The following GPHN variants were observed in gnomAD, a reference collection of about 807,000 sequenced individuals.
GPHN encodes gephyrin.
In GPHN, 17 loss-of-function variants were observed where a neutral mutation model predicts 95.5. The observed-to-expected ratio is 0.18, with a 90% CI of 0.12 to 0.27. The LOEUF is 0.27. Ranked by LOEUF, GPHN falls within the 10% of genes least tolerant of loss-of-function variation. The pLI is 1.00. For missense variants in GPHN, 660 were observed against 978.1 expected, an observed-to-expected ratio of 0.67 and a Z score of 4.34; for synonymous variants, 320 against 322.5, an observed-to-expected ratio of 0.99 and a Z score of 0.08.
chr14:67,157,081 G>C (rs1409282980), intron 18 of GPHN, among the ~76,000 whole-genome samples: 1 of 151,512 alleles, frequency 6.6e-6, no homozygotes, highest in Admixed American at 6.6e-5. Context: ...CTGCTTATAA[G>C]AGACACATCT....
chr14:66,703,045 G>GA (rs2068710756), intron 2 of GPHN, among the ~76,000 whole-genome samples: 2 of 152,002 alleles, frequency 1.3e-5, no homozygotes, highest in Non-Finnish European at 2.9e-5. Flanking sequence ...AGGGATATCA[G>GA]TTTGAAGACC....
At chr14:67,132,306 T>C (rs1185475078) in intron 17 of GPHN, among the ~76,000 whole-genome samples, 27 of 152,200 alleles carry the variant, frequency 1.8e-4, no homozygotes. Flanking sequence ...CCCAATGTTC[T>C]TAAAGTAGGA....
Position 67,143,366 on chromosome 14 carries a change from G to C in GPHN, c.1753G>C (p.Asp585His), listed in dbSNP as rs1018860844. 2.5e-6 allele frequency: 4 copies of C among 1,602,512 alleles called. No homozygotes were observed. The highest frequency in any genetic ancestry group is 3.4e-6 in the Non-Finnish European group (4 of 1,169,672). The change falls in exon 18 of 23, where the codon GAT becomes CAT. Residue 585 changes from aspartate (D) to histidine (H), a missense_variant. Physicochemically the swap from Asp to His is moderately conservative, Grantham distance 81. Around this residue, in one of 6 missense-constraint regions of GPHN, gnomAD observed 257 missense variants for 376.2 expected, o/e 0.68. Coordinates refer to ENST00000478722, the MANE Select transcript of GPHN (RefSeq NM_020806.5). ...INLGIVGDNP[D>H]DLLNALNEGI... is the part of the protein sequence containing the mutation. ...TTTGTCTTTATTTTTTTCCAGCCCA[G>C]ATGACTTACTCAATGCCTTGAATGA...
chr14:66,873,553 C>T (rs545308014), intron 4 of GPHN, among the ~76,000 whole-genome samples: 1 of 152,304 alleles, frequency 6.6e-6, no homozygotes, highest in South Asian at 2.1e-4. Context: ...TGAAGTCGAC[C>T]TGGGGCACTC....
intron 5 of GPHN, among the ~76,000 whole-genome samples, chr14:66,901,647 T>G (rs981650767): frequency 6.6e-6 from 1 of 152,090 alleles, no homozygotes; most frequent in South Asian, 2.1e-4. Flanking sequence ...TCCCCATTGT[T>G]TGTTTTTGGC....
intron 1 of GPHN, among the ~76,000 whole-genome samples, chr14:66,565,953 AG>A (rs1355392544): frequency 2.8e-5 from 4 of 143,120 alleles, no homozygotes; most frequent in Non-Finnish European, 5.9e-5. Flanking sequence ...CAAAACCAAA[AG>A]TAAAAAGAAA....
chr14:66,664,747 G>C (rs1356793241), intron 1 of GPHN, among the ~76,000 whole-genome samples: 1 of 150,856 alleles, frequency 6.6e-6, no homozygotes, highest in Non-Finnish European at 1.5e-5. Flanking sequence ...CTCATGAAGA[G>C]AGAATCAAAT....
the GPHN span, among the ~76,000 whole-genome samples, chr14:67,253,309 G>T: frequency 6.6e-6 from 1 of 152,168 alleles, no homozygotes; most frequent in Non-Finnish European, 1.5e-5. Flanking sequence ...TGTGTGACTT[G>T]GTTGTTATAG....
At chr14:67,559,995 T>C in the GPHN span, among the ~76,000 whole-genome samples, 2 of 152,178 alleles carry the variant, frequency 1.3e-5, no homozygotes, top group Non-Finnish European at 2.9e-5. Context: ...CAGGCCAGTG[T>C]CCACTCTCTC....
At chr14:67,401,215 G>A in the GPHN span, among the ~76,000 whole-genome samples, 3 of 152,106 alleles carry the variant, frequency 2.0e-5, no homozygotes, top group South Asian at 2.1e-4. Flanking sequence ...GGTTGGCTGC[G>A]GTGGCTCAGG....
chr14:66,831,523 C>T (rs1313825211), intron 4 of GPHN, among the ~76,000 whole-genome samples: 1 of 152,002 alleles, frequency 6.6e-6, no homozygotes, highest in Non-Finnish European at 1.5e-5. Context: ...AAATAGTTCC[C>T]ATGTCATATC....
At chr14:67,053,632 A>T (rs560269242) in intron 10 of GPHN, among the ~76,000 whole-genome samples, 3 of 152,188 alleles carry the variant, frequency 2.0e-5, no homozygotes, top group Non-Finnish European at 4.4e-5. Flanking sequence ...CATCATCCTG[A>T]TATCAAAACC....
chr14:66,640,712 G>A (rs1253229191), intron 1 of GPHN, among the ~76,000 whole-genome samples: 4 of 152,232 alleles, frequency 2.6e-5, no homozygotes, highest in African/African-American at 7.2e-5. Context: ...GAAAACCTAT[G>A]TGTTGAGGCT....
At chr14:67,224,942 G>A in the GPHN span, 1 of 555,332 alleles carries the variant, frequency 1.8e-6, no homozygotes, top group East Asian at 3.5e-5. Flanking sequence ...CCATTGCAAA[G>A]AATAAATACA....
At chr14:67,504,206 G>A in the GPHN span, among the ~76,000 whole-genome samples, 1 of 151,584 alleles carries the variant, frequency 6.6e-6, no homozygotes, top group East Asian at 1.9e-4. Flanking sequence ...TAGAGATGAG[G>A]TTTCACTGTG....
chr14:67,183,142 T>A (rs1480887928), downstream of GPHN, among the ~76,000 whole-genome samples: 2 of 152,154 alleles, frequency 1.3e-5, no homozygotes, highest in Non-Finnish European at 2.9e-5. Context: ...ATACCTGTAA[T>A]ATAAGAAGAA....
intron 2 of GPHN, among the ~76,000 whole-genome samples, chr14:66,682,975 C>G (rs1260522766): frequency 2.0e-5 from 3 of 151,758 alleles, no homozygotes; most frequent in Admixed American, 6.6e-5. Flanking sequence ...CATCATTTAA[C>G]CTACCACTAA....
the GPHN span, chr14:67,592,692 G>T: frequency 1.2e-6 from 2 of 1,606,632 alleles, no homozygotes; most frequent in South Asian, 1.1e-5. Context: ...CTTTCAATAA[G>T]ATGCAGAGGT....
chr14:67,155,904 A>G (rs2081554260), intron 18 of GPHN, among the ~76,000 whole-genome samples: 2 of 152,320 alleles, frequency 1.3e-5, no homozygotes, highest in South Asian at 2.1e-4. Context: ...CAACAATAAA[A>G]CTAACAAATG....
Sources: gnomAD v4.1 joint callset for allele counts (sites outside exome capture counted in the v4.1 genomes callset) on GRCh38, gnomAD v4.1.1 for gene constraint, gnomAD v4.1.1 regional missense constraint, MANE v1.5 for transcripts, NCBI Gene and HGNC (gene_info 2026-07-23, HGNC 2026-07-21) for gene names.